Variants in AGMO observed in about 807,000 individuals in gnomAD.
AGMO encodes alkylglycerol monooxygenase, also known as glyceryl-ether monooxygenase.
AGMO carries 75 observed loss-of-function variants against 60.2 expected under a neutral mutation model. That is an observed-to-expected ratio of 1.25 (90% CI 1.03 to 1.51). The LOEUF is 1.51. Among genes scored for constraint, AGMO ranks in the 40% most tolerant of loss-of-function variants. AGMO has a pLI of 0.00. For missense variants in AGMO, 763 were observed against 525.5 expected, an observed-to-expected ratio of 1.45 and a Z score of -4.42; for synonymous variants, 261 against 177.1, an observed-to-expected ratio of 1.47 and a Z score of -3.76.
chr7:15,395,117 CA>C (rs762515123), intron 5 of AGMO, among the ~76,000 whole-genome samples: 13 of 152,256 alleles, frequency 8.5e-5, no homozygotes, highest in Middle Eastern at 3.4e-3. Flanking sequence ...TCTTTATTCA[CA>C]ATCTAAACTG....
chr7:15,510,345 T>C (rs1443997028), intron 3 of AGMO, among the ~76,000 whole-genome samples: 3 of 151,858 alleles, frequency 2.0e-5, no homozygotes, highest in African/African-American at 7.3e-5. Flanking sequence ...TTTTTTTGTT[T>C]TGTTTTGTTT....
At chr7:15,216,934 C>T (rs1249004013) in intron 12 of AGMO, among the ~76,000 whole-genome samples, 1 of 151,892 alleles carries the variant, frequency 6.6e-6, no homozygotes, top group East Asian at 1.9e-4. Context: ...ACATATCTCA[C>T]ACCCTCAAAG....
the AGMO span, among the ~76,000 whole-genome samples, chr7:15,124,516 C>G: frequency 6.6e-6 from 1 of 152,034 alleles, no homozygotes; most frequent in Non-Finnish European, 1.5e-5. Context: ...GAACTTGAAT[C>G]AGATAAAGCT....
At chr7:15,363,906 A>C (rs1052012377) in intron 12 of AGMO, among the ~76,000 whole-genome samples, 1 of 152,068 alleles carries the variant, frequency 6.6e-6, no homozygotes, top group African/African-American at 2.4e-5. Context: ...CTAAGGTGTT[A>C]AAGTGCCATT....
the AGMO span, among the ~76,000 whole-genome samples, chr7:15,174,113 T>G: frequency 1.3e-5 from 2 of 152,048 alleles, no homozygotes; most frequent in African/African-American, 4.8e-5. Flanking sequence ...CTTGGTAATT[T>G]CTTTTTTACA....
chr7:15,155,860 C>G, the AGMO span, among the ~76,000 whole-genome samples: 1,027 of 152,078 alleles, frequency 6.8e-3, 13 homozygotes, highest in African/African-American at 0.023. Flanking sequence ...GAATAAGTTG[C>G]CTTTAGTTTA....
At chr7:15,155,882 T>G in the AGMO span, among the ~76,000 whole-genome samples, 9 of 152,202 alleles carry the variant, frequency 5.9e-5, no homozygotes, top group Admixed American at 5.9e-4. Context: ...TTGCTTTGTT[T>G]CTGGATACTT....
At chr7:15,171,768 G>A in the AGMO span, among the ~76,000 whole-genome samples, 1 of 152,038 alleles carries the variant, frequency 6.6e-6, no homozygotes, top group Non-Finnish European at 1.5e-5. Context: ...TTAACTCCAT[G>A]CCTTTTATCT....
intron 3 of AGMO, among the ~76,000 whole-genome samples, chr7:15,538,031 T>C (rs1468236811): frequency 5.3e-5 from 8 of 152,056 alleles, no homozygotes; most frequent in Admixed American, 5.3e-4. Flanking sequence ...TGGTTGAAAG[T>C]AATGATAAGA....
chr7:15,391,737 A>G (rs1338963723), intron 6 of AGMO, among the ~76,000 whole-genome samples: 3 of 152,132 alleles, frequency 2.0e-5, no homozygotes, highest in Non-Finnish European at 4.4e-5. Context: ...GTTGCTATAT[A>G]CATGCTTTAA....
intron 8 of AGMO, among the ~76,000 whole-genome samples, chr7:15,388,163 G>T (rs976299738): frequency 1.3e-5 from 2 of 152,020 alleles, no homozygotes; most frequent in Admixed American, 1.3e-4. Context: ...GAACCATTAA[G>T]ATTATAAAAA....
In AGMO at chr7:15,387,431, A is replaced by AG; in HGVS notation, c.931dup (p.Leu311ProfsTer5). 1.2e-6 allele frequency: 2 copies of AG among 1,613,798 alleles called. No homozygotes were observed. The highest frequency in any genetic ancestry group is 1.7e-6 in the Non-Finnish European group (2 of 1,179,958). On this transcript the variant is annotated frameshift_variant, in exon 9 of 13. Transcript: ENST00000342526. LOFTEE classifies it high-confidence loss of function. ...CTCTGGAATTTCTTCACTGAGACCA[A>AG]GTCTTGGTTTACCTGGACCCCATCC... is the stretch of plus-strand genomic sequence containing the variant.
intron 12 of AGMO, among the ~76,000 whole-genome samples, chr7:15,360,277 T>A (rs1046289231): frequency 6.6e-6 from 1 of 152,120 alleles, no homozygotes; most frequent in African/African-American, 2.4e-5. Flanking sequence ...ATTACATCGT[T>A]AGCAATAAGT....
intron 2 of AGMO, among the ~76,000 whole-genome samples, chr7:15,553,268 A>T (rs1046632442): frequency 1.3e-5 from 2 of 151,942 alleles, no homozygotes; most frequent in East Asian, 3.8e-4. Flanking sequence ...ACATGTATAC[A>T]TATGTAACTA....
intron 12 of AGMO, among the ~76,000 whole-genome samples, chr7:15,222,780 A>G (rs981866957): frequency 1.3e-5 from 2 of 151,958 alleles, no homozygotes; most frequent in Non-Finnish European, 2.9e-5. Flanking sequence ...CTCACTCAAA[A>G]CATTTCTGAA....
intron 12 of AGMO, among the ~76,000 whole-genome samples, chr7:15,273,392 C>T (rs1783677054): frequency 6.6e-6 from 1 of 152,110 alleles, no homozygotes; most frequent in African/African-American, 2.4e-5. Flanking sequence ...AGAATCCTTT[C>T]CTCATTTCTT....
At chr7:15,146,773 G>A in the AGMO span, among the ~76,000 whole-genome samples, 2 of 152,112 alleles carry the variant, frequency 1.3e-5, no homozygotes, top group African/African-American at 2.4e-5. Flanking sequence ...ATTCCCTGCA[G>A]ATTGCTCTAG....
At chr7:15,229,183 C>T (rs1782177008) in intron 12 of AGMO, among the ~76,000 whole-genome samples, 3 of 152,008 alleles carry the variant, frequency 2.0e-5, no homozygotes, top group African/African-American at 4.8e-5. Context: ...CTCCGACAAA[C>T]ACAAATGATT....
chr7:15,359,578 A>G (rs1223689119), intron 12 of AGMO, among the ~76,000 whole-genome samples: 1 of 152,154 alleles, frequency 6.6e-6, no homozygotes, highest in Non-Finnish European at 1.5e-5. Flanking sequence ...TATGAGTCCA[A>G]TGAACAAAGG....
Sources: gnomAD v4.1 joint callset for allele counts (sites outside exome capture counted in the v4.1 genomes callset) on GRCh38, gnomAD v4.1.1 for gene constraint, MANE v1.5 for transcripts, NCBI Gene and HGNC (gene_info 2026-07-23, HGNC 2026-07-21) for gene names.